The following PDS5B variants were observed in gnomAD, a reference collection of about 807,000 sequenced individuals.
The protein encoded by PDS5B is PDS5 cohesin associated factor B, also known as sister chromatid cohesion protein PDS5 homolog B.
A neutral mutation model predicts 184.1 loss-of-function variants in PDS5B; 51 were observed. The ratio of observed to expected loss-of-function variants is 0.28; its 90% CI spans 0.22 to 0.35. The LOEUF (loss-of-function observed/expected upper bound fraction) is 0.35. PDS5B is among the 10% of genes least tolerant of loss of function. The pLI is 1.00. For synonymous variants in PDS5B, 566 were observed against 569.2 expected (o/e 0.99, Z 0.08); for missense variants, 1,180 against 1,723.3 (o/e 0.68, Z 5.58).
intron 20 of PDS5B, among the ~76,000 whole-genome samples, chr13:32,734,674 A>C (rs113079320): frequency 0.047 from 7,153 of 152,202 alleles, 478 homozygotes; most frequent in African/African-American, 0.15. Flanking sequence ...GAGCCTGTGG[A>C]GAAGACATAT....
intron 33 of PDS5B, chr13:32,770,967 T>G (rs911770764): frequency 3.6e-6 from 2 of 558,712 alleles, no homozygotes; most frequent in African/African-American, 3.8e-5. Context: ...CAAATCTTCA[T>G]AAATGAATAC....
chr13:32,770,694 T>A lies in PDS5B; in HGVS notation c.4105T>A (p.Ser1369Thr). Residue 1369 changes from serine (S) to threonine (T), a missense_variant, in exon 33 of 35, where the codon TCC becomes ACC. By Grantham distance (58) the Ser-to-Thr change is moderately conservative. Transcript: ENST00000315596. ...PESSAIESTQ[S>T]TPQKGRGRPS... ...ATCTAGTGCAATTGAATCCACACAG[T>A]CCACACCACAGAAAGGACGAGGAAG... is the stretch of plus-strand genomic sequence containing the variant. 1 of 1,611,288 alleles carries A rather than the reference T, an allele frequency of 6.2e-7. No individual in the cohort carries two copies. The highest frequency in any genetic ancestry group is 8.5e-7 in the Non-Finnish European group (1 of 1,178,764).
intron 7 of PDS5B, among the ~76,000 whole-genome samples, chr13:32,671,611 A>G (rs779084374): frequency 3.3e-5 from 5 of 152,238 alleles, no homozygotes; most frequent in Non-Finnish European, 5.9e-5. Flanking sequence ...AAACCAAAAA[A>G]GAAAGAATAG....
intron 1 of PDS5B, among the ~76,000 whole-genome samples, chr13:32,595,758 A>G (rs2057855908): frequency 6.6e-6 from 1 of 152,212 alleles, no homozygotes; most frequent in Non-Finnish European, 1.5e-5. Context: ...TAACAATAGG[A>G]TGCTAGAACA....
rs1286739044 is a variant in PDS5B at position 32,710,664 on chromosome 13, GCTTA to G, written c.2123+562_2123+565del. 1.7e-4 allele frequency among the ~76,000 whole-genome samples: 26 copies of G among 152,196 alleles called. 1 individual carries two copies. The highest frequency in any genetic ancestry group is 5.5e-4 in the African/African-American group (23 of 41,454). ...AAATCTTCATTTCTTACATGGCACT[GCTTA>G]CTTCTCTATGTATATCTCTTCTTCT... is the stretch of plus-strand genomic sequence containing the variant. On this transcript the variant is annotated intron_variant, in intron 19 of 34. Transcript: ENST00000315596.
At chr13:32,617,996 G>GT (rs1004409753) in intron 1 of PDS5B, among the ~76,000 whole-genome samples, 3 of 152,174 alleles carry the variant, frequency 2.0e-5, no homozygotes, top group Non-Finnish European at 4.4e-5. Flanking sequence ...GTGTAGTCTG[G>GT]TAAGGGCTGC....
At chr13:32,617,420 G>T (rs772193634) in intron 1 of PDS5B, among the ~76,000 whole-genome samples, 1 of 152,136 alleles carries the variant, frequency 6.6e-6, no homozygotes, top group African/African-American at 2.4e-5. Context: ...AGAACAATAC[G>T]ACATAAATAA....
intron 21 of PDS5B, among the ~76,000 whole-genome samples, chr13:32,739,363 T>C (rs1191926477): frequency 6.6e-6 from 1 of 152,186 alleles, no homozygotes; most frequent in African/African-American, 2.4e-5. Context: ...CCTTAATGTT[T>C]TATAGTTTTC....
At chr13:32,741,699 C>CTG (rs3050179) in intron 22 of PDS5B, among the ~76,000 whole-genome samples, 8,230 of 139,156 alleles carry the variant, frequency 0.059, 297 homozygotes, top group African/African-American at 0.086. Flanking sequence ...CCCTTTCAGT[C>CTG]TGTGTGTGTG....
chr13:32,695,991 G>A (rs17516199), intron 14 of PDS5B, among the ~76,000 whole-genome samples: 4,738 of 152,092 alleles, frequency 0.031, 104 homozygotes, highest in Middle Eastern at 0.068. Flanking sequence ...GCCCAGCACC[G>A]CTTTGTTCCC....
At chr13:32,684,096 A>G in intron 11 of PDS5B, 73 bp downstream of exon 11, 2 of 705,818 alleles carry the variant, frequency 2.8e-6, no homozygotes, top group Non-Finnish European at 4.3e-6. Context: ...TTGAAAATAT[A>G]TTTAAATATA....
At chr13:32,625,727 AT>A (rs1164877625) in intron 1 of PDS5B, among the ~76,000 whole-genome samples, 4 of 150,454 alleles carry the variant, frequency 2.7e-5, no homozygotes, top group Admixed American at 2.0e-4. Context: ...TTAATGAGAC[AT>A]TTTTTTTTCC....
At chr13:32,721,174 G>A (rs1039994960) in intron 19 of PDS5B, among the ~76,000 whole-genome samples, 41 of 152,334 alleles carry the variant, frequency 2.7e-4, no homozygotes, top group African/African-American at 5.5e-4. Context: ...CCCAGACGGC[G>A]TGGTGGCTGG....
chr13:32,618,212 G>A (rs921147437), intron 1 of PDS5B, among the ~76,000 whole-genome samples: 1 of 152,114 alleles, frequency 6.6e-6, no homozygotes, highest in African/African-American at 2.4e-5. Flanking sequence ...CAAGAATTTT[G>A]GAGGGGACAC....
At chr13:32,587,395 C>T (rs548781096) in intron 1 of PDS5B, among the ~76,000 whole-genome samples, 1 of 152,298 alleles carries the variant, frequency 6.6e-6, no homozygotes, top group South Asian at 2.1e-4. Flanking sequence ...TCAGAAGGAA[C>T]GGCGGGGAAA....
rs116441930 is a variant in PDS5B, at chr13:32,680,449, A to C, written c.1057+1520A>C. ...TTTCTAATAGAAGAGTATCTTATCT[A>C]GAAGTTAAAGGTGAGTTACTAATGT... On this transcript the variant is annotated intron_variant, in intron 10 of 34. Coordinates refer to ENST00000315596, the MANE Select transcript of PDS5B (RefSeq NM_015032.4). Among the ~76,000 whole-genome samples, 1,486 of 152,338 alleles carry C rather than the reference A, an allele frequency of 9.8e-3. 29 individuals carry two copies. Among genetic ancestry groups the C allele is most frequent in the African/African-American group, 0.034 (1,399 of 41,578 alleles).
chr13:32,636,680 C>T (rs574277673), intron 1 of PDS5B, among the ~76,000 whole-genome samples: 1 of 152,282 alleles, frequency 6.6e-6, no homozygotes, highest in South Asian at 2.1e-4. Flanking sequence ...GCTTTTTAAC[C>T]TGCATTGTGT....
intron 1 of PDS5B, among the ~76,000 whole-genome samples, chr13:32,612,904 C>T (rs750169838): frequency 2.6e-5 from 4 of 152,164 alleles, no homozygotes; most frequent in Non-Finnish European, 1.5e-5. Context: ...TATTCTGTTA[C>T]AACAGGACAA....
Position 32,718,852 on chromosome 13 carries a change from A to G in PDS5B, c.2123+8746A>G, listed in dbSNP as rs144284414. Reference sequence around the variant, plus strand: ...ACATCAGAAGACCTAGAAGTAAAGTATACAAGAAATTTGCAATGCTGTAAT... The same window carrying G: ...ACATCAGAAGACCTAGAAGTAAAGTGTACAAGAAATTTGCAATGCTGTAAT... On this transcript the variant is annotated intron_variant, in intron 19 of 34. Coordinates refer to ENST00000315596, the MANE Select transcript of PDS5B (RefSeq NM_015032.4). Among the ~76,000 whole-genome samples, 593 of 152,340 alleles carry G rather than the reference A, an allele frequency of 3.9e-3. 4 individuals are homozygous for G. Among genetic ancestry groups the G allele is most frequent in the African/African-American group, 0.014 (565 of 41,578 alleles).
Sources: gnomAD v4.1 joint callset for allele counts (sites outside exome capture counted in the v4.1 genomes callset) on GRCh38, gnomAD v4.1.1 for gene constraint, MANE v1.5 for transcripts, NCBI Gene and HGNC (gene_info 2026-07-23, HGNC 2026-07-21) for gene names.